Variants in GTPBP10 observed in about 807,000 individuals in gnomAD.
The protein encoded by GTPBP10 is GTP-binding protein 10.
GTPBP10 carries 38 observed loss-of-function variants against 44.8 expected under a neutral mutation model. The ratio of observed to expected loss-of-function variants is 0.85; its 90% CI spans 0.65 to 1.11. The LOEUF is 1.11. Among genes scored for constraint, GTPBP10 ranks in the 50% most tolerant of loss-of-function variants. The pLI, the probability that GTPBP10 is intolerant of heterozygous loss-of-function variation, is 0.00. For missense variants in GTPBP10, 462 were observed against 453.7 expected, an observed-to-expected ratio of 1.02 and a Z score of -0.17; for synonymous variants, 152 against 150.6, an observed-to-expected ratio of 1.01 and a Z score of -0.07.
In GTPBP10 at chr7:90,385,388, T is replaced by C; in HGVS notation, c.*234T>C. 1 of 327,206 alleles carries C rather than the reference T, an allele frequency of 3.1e-6. No individual in the cohort carries two copies. The highest frequency in any genetic ancestry group is 7.7e-5 in the South Asian group (1 of 13,066). The allele number at this position is 327,206 out of a possible 1,614,324, so 20.3% of individuals were successfully genotyped here. Reference sequence around the variant, plus strand: ...GATTGAGGAGATATTGGTCAAAATTTACAAAATTTCAGTTAGACAAGGCAA... The same window carrying C: ...GATTGAGGAGATATTGGTCAAAATTCACAAAATTTCAGTTAGACAAGGCAA... On this transcript the variant is annotated 3_prime_UTR_variant, in exon 10 of 10. Transcript: ENST00000222511.
In GTPBP10 at chr7:90,390,916, G is replaced by A. The variant is rs1796603587; in HGVS notation, c.*5762G>A. On this transcript the variant is annotated 3_prime_UTR_variant, in exon 10 of 10. Coordinates refer to ENST00000222511, the MANE Select transcript of GTPBP10 (RefSeq NM_033107.4). The stretch of plus-strand genomic sequence containing the variant: ...TTCGGTTTTGTGTGCTACAAATTGA[G>A]GGAGATTGAGAATATTTTAAATCAA... The A allele has an allele frequency of 1.3e-5, 2 of 152,090 alleles. No individual in the cohort carries two copies. Among genetic ancestry groups the A allele is most frequent in the Admixed American group, 6.6e-5 (1 of 15,266 alleles). 9.4% of individuals were successfully genotyped at this position (152,090 alleles called of 1,614,324 possible).
intron 1 of GTPBP10, among the ~76,000 whole-genome samples, chr7:90,351,188 C>G (rs1266091953): frequency 6.6e-6 from 1 of 152,192 alleles, no homozygotes; most frequent in Non-Finnish European, 1.5e-5. Context: ...TGATTTAATA[C>G]TGCATTTTTA....
chr7:90,367,645 C>T (rs975334481), intron 4 of GTPBP10, among the ~76,000 whole-genome samples: 1 of 152,196 alleles, frequency 6.6e-6, no homozygotes. Flanking sequence ...AGATCTTCCT[C>T]TATCCCTTTA....
rs1045132298 is a variant in GTPBP10 at position 90,390,809 on chromosome 7, T to A, written c.*5655T>A. ...TGGTTACCAAATACTGTTATTGGTA[T>A]TATTTCTATATAAAAGGCTTTAAGA... On this transcript the variant is annotated 3_prime_UTR_variant, in exon 10 of 10. Coordinates refer to ENST00000222511, the MANE Select transcript of GTPBP10 (RefSeq NM_033107.4). 2.0e-5 allele frequency: 3 copies of A among 152,216 alleles called. No homozygotes were observed. Among genetic ancestry groups the A allele is most frequent in the Non-Finnish European group, 4.4e-5 (3 of 68,042 alleles). 9.4% of individuals were successfully genotyped at this position (152,216 alleles called of 1,614,324 possible). A position where few individuals can be genotyped will look rare whatever the true frequency, so the allele number is the denominator to read the frequency against.
At position 90,377,573 on chromosome 7, in the gene GTPBP10, T is replaced by G. The variant is rs751540616; in HGVS notation, c.658T>G (p.Phe220Val). ...AHMNKGMGHK[F>V]LKHIERTRQL... ...TATGAACAAAGGAATGGGCCACAAA[T>G]TCCTCAAGCATATAGAAAGAACTAG... The change falls in exon 7 of 10, where the codon TTC becomes GTC. Residue 220 changes from phenylalanine to valine, a missense_variant. Phe to Val is a conservative substitution (Grantham distance 50). Transcript: ENST00000222511. 3.7e-6 allele frequency: 6 copies of G among 1,611,674 alleles called. No individual in the cohort carries two copies. The highest frequency in any genetic ancestry group is 5.1e-6 in the Non-Finnish European group (6 of 1,178,600).
chr7:90,371,793 T>A (rs932097877), intron 4 of GTPBP10, among the ~76,000 whole-genome samples: 8 of 152,152 alleles, frequency 5.3e-5, no homozygotes, highest in African/African-American at 1.9e-4. Context: ...AATTTTTTTT[T>A]AAAGCAGTTT....
chr7:90,366,144 T>C (rs1475475509), intron 4 of GTPBP10, among the ~76,000 whole-genome samples: 1 of 152,190 alleles, frequency 6.6e-6, no homozygotes, highest in Admixed American at 6.5e-5. Context: ...AGCTTTTTGA[T>C]GTGCTGCTGG....
At chr7:90,368,352 C>A (rs768187701) in intron 4 of GTPBP10, among the ~76,000 whole-genome samples, 2 of 152,164 alleles carry the variant, frequency 1.3e-5, no homozygotes, top group Admixed American at 6.5e-5. Flanking sequence ...GGGAAGTTCT[C>A]CTCAATAATA....
chr7:90,365,293 T>TGATTTTGTG (rs1202455356), intron 4 of GTPBP10, among the ~76,000 whole-genome samples: 1 of 152,072 alleles, frequency 6.6e-6, no homozygotes, highest in African/African-American at 2.4e-5. Flanking sequence ...TTTTGCTCAT[T>TGATTTTGTG]GATTTTGTGT....
chr7:90,371,271 A>C (rs1796252819), intron 4 of GTPBP10: 1 of 549,124 alleles, frequency 1.8e-6, no homozygotes, highest in Non-Finnish European at 2.3e-6. Flanking sequence ...AATTGTAGAC[A>C]ACCTGAAAGT....
At chr7:90,373,103 C>T (rs1796288710) in intron 5 of GTPBP10, among the ~76,000 whole-genome samples, 1 of 151,916 alleles carries the variant, frequency 6.6e-6, no homozygotes, top group Admixed American at 6.6e-5. Context: ...TACACAAAGC[C>T]TTAGTGGTGG....
chr7:90,376,417 C>T (rs1011005005), intron 6 of GTPBP10, among the ~76,000 whole-genome samples: 1 of 152,036 alleles, frequency 6.6e-6, no homozygotes, highest in African/African-American at 2.4e-5. Flanking sequence ...TTGGGTTTGT[C>T]GAGTGCTGTT....
Position 90,389,615 on chromosome 7 carries a change from A to G in GTPBP10, c.*4461A>G, listed in dbSNP as rs1207034389. On this transcript the variant is annotated 3_prime_UTR_variant, in exon 10 of 10. Transcript: ENST00000222511. Reference sequence around the variant, plus strand: ...TTGGCCAGGATGGGAAAATTTTTTAAAAGACATTTATTAAAAAAAAATGTC... The same window carrying G: ...TTGGCCAGGATGGGAAAATTTTTTAGAAGACATTTATTAAAAAAAAATGTC... The G allele has an allele frequency of 6.6e-6, 1 of 152,106 alleles. No homozygotes were observed. Among genetic ancestry groups the G allele is most frequent in the African/African-American group, 2.4e-5 (1 of 41,396 alleles). The allele number at this position is 152,106 out of a possible 1,614,324, so 9.4% of individuals were successfully genotyped here. A position where few individuals can be genotyped will look rare whatever the true frequency, so the allele number is the denominator to read the frequency against.
rs1796559601 is a variant in GTPBP10, at chr7:90,388,250, C to G, written c.*3096C>G. 1 of 152,048 alleles carries G rather than the reference C, an allele frequency of 6.6e-6. No homozygotes were observed. Among genetic ancestry groups the G allele is most frequent in the South Asian group, 2.1e-4 (1 of 4,826 alleles). The allele number at this position is 152,048 out of a possible 1,614,324, so 9.4% of individuals were successfully genotyped here. On this transcript the variant is annotated 3_prime_UTR_variant, in exon 10 of 10. Transcript: ENST00000222511. ...ACTTATTTTGAAGTAAGTCTTTTAA[C>G]ATTATCTCAGATGCATTTTATTTTG... is the stretch of plus-strand genomic sequence containing the variant.
chr7:90,375,621 GA>G (rs1796331915), intron 6 of GTPBP10, among the ~76,000 whole-genome samples: 1 of 152,124 alleles, frequency 6.6e-6, no homozygotes, highest in Non-Finnish European at 1.5e-5. Context: ...TAGAGGAAAA[GA>G]GAACATCATT....
chr7:90,382,942 C>G lies in GTPBP10; in HGVS notation c.778-14C>G, dbSNP rs755421740. On this transcript the variant is annotated splice_polypyrimidine_tract_variant and intron_variant, in intron 8 of 9. Transcript: ENST00000222511. ...CAGTACTAAAATTATTGGGTTTTCT[C>G]TTTTGATTTAAAGGAGTTGGAATTG... 5 of 1,480,192 alleles carry G rather than the reference C, an allele frequency of 3.4e-6. No individual in the cohort carries two copies. In the South Asian group the frequency reaches 7.5e-5, roughly 22 times the overall value. The allele number at this position is 1,480,192 out of a possible 1,614,324, so 91.7% of individuals were successfully genotyped here. A position where few individuals can be genotyped will look rare whatever the true frequency, so the allele number is the denominator to read the frequency against.
At chr7:90,350,119 C>G (rs1353287580) in intron 1 of GTPBP10, among the ~76,000 whole-genome samples, 1 of 151,988 alleles carries the variant, frequency 6.6e-6, no homozygotes, top group African/African-American at 2.4e-5. Flanking sequence ...CCCCCCGTGT[C>G]CCAAGTGTTC....
intron 4 of GTPBP10, among the ~76,000 whole-genome samples, chr7:90,359,717 G>T (rs112486623): frequency 1.3e-5 from 2 of 152,072 alleles, no homozygotes; most frequent in Non-Finnish European, 2.9e-5. Context: ...GAATCGCCAC[G>T]CTGTCTTCCA....
chr7:90,354,425 CAT>C (rs1795853237), intron 2 of GTPBP10, 31 bp from the exon 3 acceptor site: 4 of 1,105,516 alleles, frequency 3.6e-6, no homozygotes, highest in South Asian at 2.9e-5. Flanking sequence ...TACACACACA[CAT>C]ACATACATAT....
Sources: gnomAD v4.1 joint callset for allele counts (sites outside exome capture counted in the v4.1 genomes callset) on GRCh38, gnomAD v4.1.1 for gene constraint, MANE v1.5 for transcripts, NCBI Gene and HGNC (gene_info 2026-07-23, HGNC 2026-07-21) for gene names.